Variants in RBFOX1 observed in about 807,000 individuals in gnomAD.
RBFOX1 encodes the protein RNA binding fox-1 homolog 1.
RBFOX1 carries 8 observed loss-of-function variants against 57.7 expected under a neutral mutation model. The ratio of observed to expected loss-of-function variants is 0.14; its 90% CI spans 0.08 to 0.25. RBFOX1 has a LOEUF of 0.25. Among genes scored for constraint, RBFOX1 ranks in the 10% least tolerant of loss-of-function variants. RBFOX1 has a pLI of 1.00. For missense variants in RBFOX1, 611 were observed against 548.5 expected, an observed-to-expected ratio of 1.11 and a Z score of -1.14; for synonymous variants, 326 against 222.4, an observed-to-expected ratio of 1.47 and a Z score of -4.15.
chr16:7,051,999 C>G (rs56131103), intron 3 of RBFOX1, 58 bp from the exon 4 acceptor site: 15 of 1,587,026 alleles, frequency 9.5e-6, no homozygotes, highest in Non-Finnish European at 1.3e-5. Flanking sequence ...TGTTTTCTTT[C>G]ATGTTTTTCT....
At chr16:6,774,751 C>T (rs1194308342) in intron 3 of RBFOX1, among the ~76,000 whole-genome samples, 1 of 151,952 alleles carries the variant, frequency 6.6e-6, no homozygotes, top group Non-Finnish European at 1.5e-5. Flanking sequence ...ATTAGTTCAA[C>T]TGTTGAGTTG....
chr16:6,381,590 TG>T (rs2091819247), intron 2 of RBFOX1, among the ~76,000 whole-genome samples: 1 of 152,208 alleles, frequency 6.6e-6, no homozygotes, highest in Non-Finnish European at 1.5e-5. Flanking sequence ...TCCAAGGTCT[TG>T]CCTTTACCTA....
chr16:7,490,845 C>T (rs2151516755), intron 4 of RBFOX1, among the ~76,000 whole-genome samples: 1 of 152,298 alleles, frequency 6.6e-6, no homozygotes, highest in East Asian at 1.9e-4. Context: ...ACAGCACCTG[C>T]TGTTACTCTC....
chr16:6,307,371 G>A (rs979590557), intron 1 of RBFOX1, among the ~76,000 whole-genome samples: 1 of 149,226 alleles, frequency 6.7e-6, no homozygotes, highest in Non-Finnish European at 1.5e-5. Flanking sequence ...GACAGAGAGA[G>A]ACTCATCTTA....
chr16:7,666,150 G>C (rs2069185123), intron 13 of RBFOX1, among the ~76,000 whole-genome samples: 1 of 152,040 alleles, frequency 6.6e-6, no homozygotes, highest in South Asian at 2.1e-4. Flanking sequence ...AGGCAGGCTG[G>C]GGCTGAGCAG....
chr16:5,270,613 C>G lies in RBFOX1; in HGVS notation c.219+30508C>G, dbSNP rs1462486870. 40 of 583,378 alleles carry G rather than the reference C, an allele frequency of 6.9e-5. 1 individual carries two copies. The highest frequency in any genetic ancestry group is 1.4e-4 in the South Asian group (9 of 63,990). 36.1% of individuals were successfully genotyped at this position (583,378 alleles called of 1,614,324 possible). On this transcript the variant is annotated intron_variant, in intron 1 of 2. Coordinates refer to the RBFOX1 transcript ENST00000585867. Reference sequence around the variant, plus strand: ...GTGTTGGTTTTACCAAAAAACGCAACAATCAGATACTGAAGACCTCTTATG... The same window carrying G: ...GTGTTGGTTTTACCAAAAAACGCAAGAATCAGATACTGAAGACCTCTTATG...
intron 1 of RBFOX1, among the ~76,000 whole-genome samples, chr16:5,448,751 T>G (rs1371437089): frequency 1.3e-5 from 2 of 152,200 alleles, no homozygotes; most frequent in Non-Finnish European, 2.9e-5. Context: ...AGCACACGTT[T>G]TGTAAGTGCA....
At chr16:7,579,292 A>G (rs2093571889) in intron 5 of RBFOX1, among the ~76,000 whole-genome samples, 1 of 152,196 alleles carries the variant, frequency 6.6e-6, no homozygotes, top group South Asian at 2.1e-4. Context: ...TATCTGCACA[A>G]TTACCTGAAC....
rs551975483 is a variant in RBFOX1 at position 6,798,196 on chromosome 16, C to A, written c.-16+143546C>A. Among the ~76,000 whole-genome samples the A allele has an allele frequency of 8.5e-5, 13 of 152,232 alleles. No individual in the cohort carries two copies. In the South Asian group the frequency reaches 2.7e-3, roughly 32 times the overall value. On this transcript the variant is annotated intron_variant, in intron 3 of 15. Coordinates refer to ENST00000550418, the MANE Select transcript of RBFOX1 (RefSeq NM_018723.4). ...TCTAGTCTCTTCTCTGGTCGTGTCC[C>A]TAAGAGAAACTGGAGGTGCCTAAGA... is the stretch of plus-strand genomic sequence containing the variant.
At chr16:6,908,522 C>T (rs1436647629) in intron 3 of RBFOX1, among the ~76,000 whole-genome samples, 1 of 152,186 alleles carries the variant, frequency 6.6e-6, no homozygotes, top group East Asian at 1.9e-4. Context: ...TGACAACTCA[C>T]TTATCAGGTT....
At chr16:7,006,556 C>G (rs1001076874) in intron 3 of RBFOX1, among the ~76,000 whole-genome samples, 1 of 152,054 alleles carries the variant, frequency 6.6e-6, no homozygotes, top group African/African-American at 2.4e-5. Flanking sequence ...CTCAAGCAGT[C>G]CTCCCACCTC....
intron 1 of RBFOX1, among the ~76,000 whole-genome samples, chr16:6,082,003 C>A (rs2096008546): frequency 6.6e-6 from 1 of 152,084 alleles, no homozygotes; most frequent in South Asian, 2.1e-4. Context: ...AGTGTGGAGT[C>A]AAAGCATAGT....
At chr16:5,628,039 T>C (rs2097955468) in intron 3 of RBFOX1, among the ~76,000 whole-genome samples, 1 of 152,200 alleles carries the variant, frequency 6.6e-6, no homozygotes, top group Admixed American at 6.5e-5. Context: ...GAATTCCTTA[T>C]ATTTTGAATA....
chr16:5,703,379 C>G (rs996885474), intron 3 of RBFOX1, among the ~76,000 whole-genome samples: 1 of 152,072 alleles, frequency 6.6e-6, no homozygotes, highest in African/African-American at 2.4e-5. Flanking sequence ...AGCAAAGCCT[C>G]TAAATTGGGA....
intron 3 of RBFOX1, among the ~76,000 whole-genome samples, chr16:6,909,904 G>C (rs577193901): frequency 6.6e-6 from 1 of 152,174 alleles, no homozygotes; most frequent in African/African-American, 2.4e-5. Context: ...TGCTAATTCT[G>C]TTCGGGCAGG....
chr16:7,005,565 G>A (rs535914426), intron 3 of RBFOX1, among the ~76,000 whole-genome samples: 18 of 152,188 alleles, frequency 1.2e-4, no homozygotes, highest in Non-Finnish European at 2.4e-4. Context: ...TGGAAAAGCA[G>A]CTCCTGAAAG....
At chr16:5,643,045 T>C (rs550275451) in intron 3 of RBFOX1, among the ~76,000 whole-genome samples, 1 of 152,310 alleles carries the variant, frequency 6.6e-6, no homozygotes, top group Admixed American at 6.5e-5. Context: ...CCTCACCTTA[T>C]GATATATTCT....
chr16:6,839,708 GCA>G (rs1179688300), intron 3 of RBFOX1, among the ~76,000 whole-genome samples: 3 of 152,158 alleles, frequency 2.0e-5, no homozygotes, highest in Non-Finnish European at 2.9e-5. Context: ...ATATTAGAAG[GCA>G]CACGATTCTT....
chr16:5,658,348 G>A (rs1169749594), intron 3 of RBFOX1, among the ~76,000 whole-genome samples: 1 of 152,144 alleles, frequency 6.6e-6, no homozygotes, highest in African/African-American at 2.4e-5. Flanking sequence ...GCTGAAACAA[G>A]CTGAGGGGAC....
Sources: gnomAD v4.1 joint callset for allele counts (sites outside exome capture counted in the v4.1 genomes callset) on GRCh38, gnomAD v4.1.1 for gene constraint, MANE v1.5 for transcripts, NCBI Gene and HGNC (gene_info 2026-07-23, HGNC 2026-07-21) for gene names.